The following FAT3 variants were observed in gnomAD, a reference collection of about 807,000 sequenced individuals.
FAT3 encodes the protein FAT atypical cadherin 3, also known as protocadherin Fat 3.
In FAT3, 95 loss-of-function variants were observed where a neutral mutation model predicts 310.2. The observed-to-expected ratio is 0.31, with a 90% confidence interval of 0.26 to 0.36. The LOEUF (loss-of-function observed/expected upper bound fraction) is 0.36, where lower values mean the gene tolerates loss of function less well. Ranked by LOEUF, FAT3 falls within the 10% of genes least tolerant of loss-of-function variation. The pLI, the probability that FAT3 is intolerant of heterozygous loss-of-function variation, is 1.00. For missense variants in FAT3, 5,408 were observed against 5,715.6 expected, an observed-to-expected ratio of 0.95 and a Z score of 1.74; for synonymous variants, 2,314 against 2,192.9, an observed-to-expected ratio of 1.06 and a Z score of -1.54.
chr11:92,402,408 G>A (rs1045483248), intron 2 of FAT3, among the ~76,000 whole-genome samples: 17 of 151,960 alleles, frequency 1.1e-4, no homozygotes, highest in African/African-American at 4.1e-4. Flanking sequence ...TCTGTCCTAG[G>A]GGAGAAAATA....
chr11:92,231,663 A>C (rs950061452), intron 1 of FAT3, among the ~76,000 whole-genome samples: 1 of 152,198 alleles, frequency 6.6e-6, no homozygotes, highest in Non-Finnish European at 1.5e-5. Context: ...TTGATGTTTT[A>C]TATTTTGAGA....
At chr11:92,834,754 T>A in intron 14 of FAT3, 116 bp from the exon 15 acceptor site, 1 of 933,686 alleles carries the variant, frequency 1.1e-6, no homozygotes, top group Non-Finnish European at 1.6e-6. Flanking sequence ...ATAAACAAAT[T>A]CCTGAATGTT....
intron 3 of FAT3, among the ~76,000 whole-genome samples, chr11:92,690,400 C>T (rs1289422032): frequency 1.3e-5 from 2 of 152,118 alleles, no homozygotes; most frequent in Non-Finnish European, 2.9e-5. Flanking sequence ...GGGTGATTTC[C>T]CCTTCAACTT....
chr11:92,679,577 T>G (rs910130201), intron 3 of FAT3, among the ~76,000 whole-genome samples: 1 of 152,050 alleles, frequency 6.6e-6, no homozygotes, highest in African/African-American at 2.4e-5. Context: ...GCACGGTGGC[T>G]CACGCCTGTA....
chr11:92,473,745 C>T (rs527943142), intron 2 of FAT3, among the ~76,000 whole-genome samples: 1 of 152,312 alleles, frequency 6.6e-6, no homozygotes, highest in South Asian at 2.1e-4. Context: ...CAAACCCTCT[C>T]ACAGAGAAAA....
intron 1 of FAT3, among the ~76,000 whole-genome samples, chr11:92,345,561 C>G (rs189958757): frequency 2.6e-5 from 4 of 152,084 alleles, no homozygotes; most frequent in African/African-American, 9.7e-5. Context: ...ATTTAACAAG[C>G]CTTATGATGG....
At chr11:92,568,908 A>G (rs777463883) in intron 3 of FAT3, among the ~76,000 whole-genome samples, 10 of 152,086 alleles carry the variant, frequency 6.6e-5, no homozygotes, top group Non-Finnish European at 1.5e-4. Flanking sequence ...TGGTCACTGT[A>G]TTTTAATTAT....
At chr11:92,564,929 AAGC>A (rs1282602234) in intron 3 of FAT3, among the ~76,000 whole-genome samples, 1 of 143,156 alleles carries the variant, frequency 7.0e-6, no homozygotes, top group Admixed American at 7.4e-5. Flanking sequence ...CCACAAGAGA[AAGC>A]AGGAAAGATC....
rs769399006 is a variant in FAT3 at position 92,844,013 on chromosome 11, C to T, written c.10646C>T (p.Pro3549Leu). 2 of 1,613,838 alleles carry T rather than the reference C, an allele frequency of 1.2e-6. No homozygotes were observed. Among genetic ancestry groups the T allele is most frequent in the Non-Finnish European group, 1.7e-6 (2 of 1,179,902 alleles). ...GTCATTGAGGAAAGCACCCACAAGC[C>T]CACAGCCATTCCCCTGGAAATTTTC... ...VRVIEESTHK[P>L]TAIPLEIFIV... Residue 3549 changes from proline to leucine, a missense_variant, in exon 19 of 28, where the codon CCC becomes CTC. Around this residue, in one of 5 missense-constraint regions of FAT3, gnomAD observed 4,588 missense variants for 4,809.8 expected, o/e 0.95. Transcript: ENST00000525166.
At chr11:92,225,374 C>T (rs1217276500) in intron 1 of FAT3, among the ~76,000 whole-genome samples, 200 bp downstream of exon 1, 2 of 152,132 alleles carry the variant, frequency 1.3e-5, no homozygotes, top group Admixed American at 6.5e-5. Context: ...CCGTTGCTAC[C>T]GCTGCAAACA....
chr11:92,270,231 C>T (rs1252509264), intron 1 of FAT3, among the ~76,000 whole-genome samples: 1 of 152,126 alleles, frequency 6.6e-6, no homozygotes, highest in East Asian at 1.9e-4. Flanking sequence ...TTTCCTCCCA[C>T]TTCACTGGCC....
At chr11:92,835,735 C>T (rs1451514901) in intron 15 of FAT3, among the ~76,000 whole-genome samples, 2 of 152,158 alleles carry the variant, frequency 1.3e-5, no homozygotes, top group Non-Finnish European at 2.9e-5. Context: ...TTTCCCCCTA[C>T]ACACACAGAC....
chr11:92,379,312 C>T (rs1326428496), intron 2 of FAT3, among the ~76,000 whole-genome samples: 2 of 152,110 alleles, frequency 1.3e-5, no homozygotes, highest in Middle Eastern at 3.4e-3. Context: ...AAATTTGAAC[C>T]ACAAAAGCAT....
intron 4 of FAT3, among the ~76,000 whole-genome samples, chr11:92,728,727 G>A (rs1386072580): frequency 1.3e-5 from 2 of 152,100 alleles, no homozygotes; most frequent in Non-Finnish European, 1.5e-5. Context: ...GGAGGTTCTG[G>A]GGAAGAATCC....
intron 3 of FAT3, among the ~76,000 whole-genome samples, chr11:92,661,277 G>C (rs961209181): frequency 6.6e-6 from 1 of 152,134 alleles, no homozygotes; most frequent in African/African-American, 2.4e-5. Flanking sequence ...CTGAGGCAAG[G>C]ATACACAGAA....
At position 92,894,594 on chromosome 11, in the gene FAT3, A is replaced by G. The variant is rs1949986110; in HGVS notation, c.*3481A>G. On this transcript the variant is annotated 3_prime_UTR_variant, in exon 28 of 28. Coordinates refer to ENST00000525166, the MANE Select transcript of FAT3 (RefSeq NM_001367949.2). ...TAGCTAGACTCTTGGTGCTCGTCAT[A>G]TAGTAAGCAAGAACTTGGGAGTAAT... The G allele has an allele frequency of 6.6e-6, 1 of 152,232 alleles. No homozygotes were observed. The highest frequency in any genetic ancestry group is 1.5e-5 in the Non-Finnish European group (1 of 68,052). The allele number at this position is 152,232 out of a possible 1,614,324, so 9.4% of individuals were successfully genotyped here.
rs148490325 is a variant in FAT3 at position 92,568,034 on chromosome 11, A to G, written c.3607+43086A>G. Among the ~76,000 whole-genome samples, 688 of 152,060 alleles carry G rather than the reference A, an allele frequency of 4.5e-3. 3 individuals are homozygous for G. The highest frequency in any genetic ancestry group is 6.1e-3 in the Non-Finnish European group (417 of 67,992). Reference sequence around the variant, plus strand: ...TGTGCACATGTACCCTAAAACTTAAAAGTATAATAATAATAAAAAAAAATT... The same window carrying G: ...TGTGCACATGTACCCTAAAACTTAAGAGTATAATAATAATAAAAAAAAATT... On this transcript the variant is annotated intron_variant, in intron 3 of 27. Coordinates refer to ENST00000525166, the MANE Select transcript of FAT3 (RefSeq NM_001367949.2).
At chr11:92,776,050 T>C (rs887730121) in intron 7 of FAT3, among the ~76,000 whole-genome samples, 2 of 152,190 alleles carry the variant, frequency 1.3e-5, no homozygotes, top group Non-Finnish European at 2.9e-5. Flanking sequence ...ATTTAAGTTT[T>C]AAAAATTAGC....
rs181275903 is a variant in FAT3, at chr11:92,252,354, C to T, written c.-18+27180C>T. Among the ~76,000 whole-genome samples, 31 of 152,154 alleles carry T rather than the reference C, an allele frequency of 2.0e-4. No individual in the cohort carries two copies. In the East Asian group the frequency reaches 5.8e-3, roughly 29 times the overall value. On this transcript the variant is annotated intron_variant, in intron 1 of 27. Coordinates refer to ENST00000525166, the MANE Select transcript of FAT3 (RefSeq NM_001367949.2). ...AATGGAATGGAATGAAAAGTGAAAT[C>T]CTTTGGGTTTAACTACTTTTGTTTG...
Sources: allele counts gnomAD v4.1 joint callset (sites outside exome capture counted in the v4.1 genomes callset), GRCh38; gene constraint gnomAD v4.1.1; regional missense constraint gnomAD v4.1.1; transcripts MANE v1.5; gene names NCBI Gene and HGNC (gene_info 2026-07-23, HGNC 2026-07-21).